The following EIPR1 variants were observed in gnomAD, a reference collection of about 807,000 sequenced individuals.
EIPR1 encodes EARP and GARP complex-interacting protein 1.
Under a neutral mutation model 48.1 loss-of-function variants are expected in EIPR1, and 25 were observed. The ratio of observed to expected loss-of-function variants is 0.52; its 90% CI spans 0.38 to 0.73. EIPR1 has a LOEUF of 0.73. Ranked by LOEUF, EIPR1 falls within the 30% of genes least tolerant of loss-of-function variation. The pLI, the probability that EIPR1 is intolerant of heterozygous loss-of-function variation, is 0.00. For synonymous variants in EIPR1, 204 were observed against 201.9 expected, an observed-to-expected ratio of 1.01 and a Z score of -0.09; for missense variants, 415 against 506.2, an observed-to-expected ratio of 0.82 and a Z score of 1.73.
At chr2:3,372,325 G>C (rs1659686869) in intron 1 of EIPR1, among the ~76,000 whole-genome samples, 1 of 150,902 alleles carries the variant, frequency 6.6e-6, no homozygotes, top group South Asian at 2.1e-4. Flanking sequence ...AAAAGAACTA[G>C]AAAAGCAAGA....
In EIPR1 at chr2:3,214,514, G is replaced by A. The variant is rs13402653; in HGVS notation, c.417-266C>T. The A allele has an allele frequency of 4.8e-3, 1,636 of 340,098 alleles. 24 individuals carry two copies. Among genetic ancestry groups the A allele is most frequent in the African/African-American group, 0.033 (1,562 of 46,992 alleles). The allele number at this position is 340,098 out of a possible 1,614,324, so 21.1% of individuals were successfully genotyped here. On this transcript the variant is annotated intron_variant, in intron 4 of 8. Coordinates refer to ENST00000382125, the MANE Select transcript of EIPR1 (RefSeq NM_003310.5). ...TGTGATGCTGCAGAGGTTCGTCAAT[G>A]TACACAGGGGCTATGTCCTCACATC...
At chr2:3,199,562 G>T (rs1430952305) in intron 5 of EIPR1, among the ~76,000 whole-genome samples, 2 of 152,224 alleles carry the variant, frequency 1.3e-5, no homozygotes, top group African/African-American at 4.8e-5. Flanking sequence ...AGAAGGTGGG[G>T]ACACAAGAGA....
intron 3 of EIPR1, among the ~76,000 whole-genome samples, chr2:3,266,085 T>C (rs375366067): frequency 6.6e-6 from 1 of 152,330 alleles, no homozygotes; most frequent in East Asian, 1.9e-4. Flanking sequence ...CAGCCACGGG[T>C]GTGCTGCCTG....
At chr2:3,364,486 T>A (rs1227434355) in intron 1 of EIPR1, among the ~76,000 whole-genome samples, 1 of 150,980 alleles carries the variant, frequency 6.6e-6, no homozygotes, top group African/African-American at 2.4e-5. Context: ...AAAAAAAAAA[T>A]TAACCTGGTG....
chr2:3,237,403 C>T (rs1158573150), intron 4 of EIPR1, among the ~76,000 whole-genome samples: 5 of 152,204 alleles, frequency 3.3e-5, no homozygotes, highest in African/African-American at 1.2e-4. Context: ...ACCACATTCA[C>T]AGAACCTTTA....
At chr2:3,193,329 G>A (rs1664676531) in intron 7 of EIPR1, among the ~76,000 whole-genome samples, 1 of 152,222 alleles carries the variant, frequency 6.6e-6, no homozygotes. Context: ...GGGAGTGAAT[G>A]CCCCTCTTTG....
intron 1 of EIPR1, among the ~76,000 whole-genome samples, chr2:3,355,887 A>G (rs1670712960): frequency 6.6e-6 from 1 of 152,190 alleles, no homozygotes; most frequent in Non-Finnish European, 1.5e-5. Context: ...ACAAAACCAC[A>G]TGATCAAAAA....
Position 3,302,564 on chromosome 2 carries a change from T to C in EIPR1, c.259+35453A>G, listed in dbSNP as rs1397605558. 3.3e-5 allele frequency among the ~76,000 whole-genome samples: 5 copies of C among 152,288 alleles called. No homozygotes were observed. The East Asian group carries it at 9.7e-4, about 29-fold the overall frequency. On this transcript the variant is annotated intron_variant, in intron 3 of 8. Transcript: ENST00000382125. Reference sequence around the variant, plus strand: ...TGGGCTTTAGCAAGCTGATCCTGAGTGCAGTTGGTGGATGGCGACAGGCCG... The same window carrying C: ...TGGGCTTTAGCAAGCTGATCCTGAGCGCAGTTGGTGGATGGCGACAGGCCG...
At chr2:3,305,029 AGTTCAACCCTCCACTCCCG>A (rs1668888571) in intron 3 of EIPR1, among the ~76,000 whole-genome samples, 1 of 105,262 alleles carries the variant, frequency 9.5e-6, no homozygotes, top group Non-Finnish European at 2.0e-5. Context: ...ACTCCTGTCC[AGTTCAACCCTCCACTCCCG>A]TCCAGTTCAA....
chr2:3,269,373 ATCGCACTCAG>A (rs1297363783), intron 3 of EIPR1, among the ~76,000 whole-genome samples: 4 of 138,710 alleles, frequency 2.9e-5, no homozygotes, highest in Non-Finnish European at 1.5e-5. Flanking sequence ...GCACTCAATC[ATCGCACTCAG>A]TCATCGCACT....
chr2:3,338,120 G>T lies in EIPR1; in HGVS notation c.156C>A (p.Asn52Lys). ...GGAGGACATTTTTATTTATAATGTT[G>T]TTTTCATCGTCAAAATCTATGATAT... ...QIHIIDFDDE[N>K]NIINKNVLLH... is the part of the protein sequence containing the mutation. The change falls in exon 3 of 9, where the codon AAC (asparagine) becomes AAA (lysine). Residue 52 changes from asparagine (N) to lysine (K), a missense_variant. Asn to Lys is a moderately conservative substitution (Grantham distance 94). Transcript: ENST00000382125. 1 of 1,610,556 alleles carries T rather than the reference G, an allele frequency of 6.2e-7. No homozygotes were observed. The highest frequency in any genetic ancestry group is 8.5e-7 in the Non-Finnish European group (1 of 1,179,348).
chr2:3,349,353 G>A (rs1471773027), intron 2 of EIPR1, among the ~76,000 whole-genome samples: 1 of 152,220 alleles, frequency 6.6e-6, no homozygotes, highest in Non-Finnish European at 1.5e-5. Context: ...CCACCTCCCC[G>A]ACTCCACAAG....
chr2:3,318,990 G>A (rs1298535364), intron 3 of EIPR1: 1 of 469,536 alleles, frequency 2.1e-6, no homozygotes, highest in African/African-American at 2.0e-5. Context: ...CAGATACTTG[G>A]AACTTACCCC....
intron 3 of EIPR1, among the ~76,000 whole-genome samples, chr2:3,297,770 C>T (rs1668646830): frequency 6.6e-6 from 1 of 152,198 alleles, no homozygotes; most frequent in Non-Finnish European, 1.5e-5. Context: ...TTAGCTGTGG[C>T]TGTGGTTTCC....
At chr2:3,318,710 C>T (rs1669394470) in intron 3 of EIPR1, 2 of 385,560 alleles carry the variant, frequency 5.2e-6, no homozygotes, top group Non-Finnish European at 1.1e-5. Flanking sequence ...CAATGCTCAG[C>T]TCTGTCCCGG....
intron 4 of EIPR1, among the ~76,000 whole-genome samples, chr2:3,240,144 C>CAAAGCCAGCAGATCCTTCCTAAAGT (rs1558244225): frequency 1.4e-5 from 2 of 140,690 alleles, no homozygotes; most frequent in Non-Finnish European, 3.1e-5. Context: ...CTTCCTAAAG[C>CAAAGCCAGCAGATCCTTCCTAAAGT]AAAGCCAGCA....
rs78564941 is a variant in EIPR1, at chr2:3,286,630, C to T, written c.260-29175G>A. Among the ~76,000 whole-genome samples, 5,244 of 152,340 alleles carry T rather than the reference C, an allele frequency of 0.034. 134 individuals carry two copies. The highest frequency in any genetic ancestry group is 0.053 in the Non-Finnish European group (3,630 of 68,022). On this transcript the variant is annotated intron_variant, in intron 3 of 8. Transcript: ENST00000382125. This position sits in a 1 kb window ranked among gnomAD's most constrained non-coding sequence, Gnocchi z 4.2. The stretch of plus-strand genomic sequence containing the variant: ...TGTGCTCCAGGGGAGCAGGGGATCT[C>T]ACAGTCCAGAGTGCCCCGCAGAGCA...
At chr2:3,192,390 C>G in intron 8 of EIPR1, 24 bp downstream of exon 8, 6 of 1,573,904 alleles carry the variant, frequency 3.8e-6, no homozygotes, top group Non-Finnish European at 5.2e-6. Context: ...ACAGCGTGAG[C>G]CACTCTGCAG....
chr2:3,190,506 A>G (rs920497826), intron 8 of EIPR1, among the ~76,000 whole-genome samples: 1 of 152,326 alleles, frequency 6.6e-6, no homozygotes, highest in Middle Eastern at 3.4e-3. Flanking sequence ...TCCTGAATGC[A>G]GCAGGACATC....
Sources: allele counts gnomAD v4.1 joint callset (sites outside exome capture counted in the v4.1 genomes callset), GRCh38; gene constraint gnomAD v4.1.1; non-coding constraint Gnocchi (gnomAD v3.1); transcripts MANE v1.5; gene names NCBI Gene and HGNC (gene_info 2026-07-23, HGNC 2026-07-21).